MIPEP: variants seen among roughly 807,000 people sequenced by gnomAD.
The protein encoded by MIPEP is mitochondrial intermediate peptidase.
A neutral mutation model predicts 90.3 loss-of-function variants in MIPEP; 79 were observed. That is an observed-to-expected ratio of 0.87 (90% CI 0.73 to 1.05). The LOEUF is 1.05. MIPEP is among the 50% of genes least tolerant of loss of function. MIPEP has a pLI of 0.00. For missense variants in MIPEP, 940 were observed against 905.6 expected, an observed-to-expected ratio of 1.04 and a Z score of -0.49; for synonymous variants, 334 against 315.8, an observed-to-expected ratio of 1.06 and a Z score of -0.61.
chr13:23,746,035 A>G (rs1469648408), intron 18 of MIPEP, among the ~76,000 whole-genome samples: 1 of 135,494 alleles, frequency 7.4e-6, no homozygotes, highest in Non-Finnish European at 1.6e-5. Flanking sequence ...TTTTTTTGAG[A>G]CAGCGTTTCA....
At chr13:23,883,044 C>T (rs766021942) in intron 2 of MIPEP, among the ~76,000 whole-genome samples, 12 of 152,072 alleles carry the variant, frequency 7.9e-5, no homozygotes, top group East Asian at 3.9e-4. Flanking sequence ...GTTTATAAAA[C>T]GATTGCCTTA....
intron 14 of MIPEP, among the ~76,000 whole-genome samples, chr13:23,816,972 T>C (rs1953247501): frequency 6.6e-6 from 1 of 152,192 alleles, no homozygotes; most frequent in South Asian, 2.1e-4. Flanking sequence ...TTTCCACCCA[T>C]GATCTGCCAC....
intron 18 of MIPEP, among the ~76,000 whole-genome samples, chr13:23,734,591 C>G (rs370550506): frequency 1.3e-5 from 2 of 152,120 alleles, no homozygotes; most frequent in Admixed American, 6.6e-5. Context: ...TATCTTGGGA[C>G]CTCAAGAGGA....
intron 18 of MIPEP, among the ~76,000 whole-genome samples, chr13:23,748,798 G>A (rs1378004315): frequency 6.6e-6 from 1 of 152,144 alleles, no homozygotes; most frequent in Admixed American, 6.5e-5. Flanking sequence ...AGCACGTTCT[G>A]GCATTTATTT....
intron 16 of MIPEP, among the ~76,000 whole-genome samples, chr13:23,800,196 T>TTTTC (rs1430228460): frequency 6.6e-6 from 1 of 152,130 alleles, no homozygotes; most frequent in Non-Finnish European, 1.5e-5. Context: ...AAATACACAT[T>TTTTC]AGAACAGAGT....
At chr13:23,788,054 C>T (rs1383623038) in intron 16 of MIPEP, among the ~76,000 whole-genome samples, 2 of 152,042 alleles carry the variant, frequency 1.3e-5, no homozygotes, top group Non-Finnish European at 2.9e-5. Context: ...GTTTCCTCTT[C>T]TGATTTTAGA....
At chr13:23,757,913 CTATG>C (rs781513392) in intron 17 of MIPEP, among the ~76,000 whole-genome samples, 8 of 152,182 alleles carry the variant, frequency 5.3e-5, no homozygotes, top group Admixed American at 2.0e-4. Flanking sequence ...TGACTACATA[CTATG>C]ATGAGACAGG....
intron 16 of MIPEP, among the ~76,000 whole-genome samples, chr13:23,783,914 AAGG>A (rs1343389929): frequency 6.6e-6 from 1 of 152,240 alleles, no homozygotes; most frequent in Non-Finnish European, 1.5e-5. Context: ...GGACCTCTTC[AAGG>A]AGAACTACAA....
chr13:23,770,637 G>A (rs1952638457), intron 16 of MIPEP, among the ~76,000 whole-genome samples: 3 of 152,006 alleles, frequency 2.0e-5, no homozygotes, highest in South Asian at 2.1e-4. Flanking sequence ...TGTGGCTGAT[G>A]TCCTGCAATT....
At chr13:23,747,698 C>T (rs2138499222) in intron 18 of MIPEP, 1 of 380,182 alleles carries the variant, frequency 2.6e-6, no homozygotes, top group East Asian at 7.2e-5. Context: ...AATTCCTGAA[C>T]CAGGCAAATA....
chr13:23,816,785 C>T (rs1220635455), intron 14 of MIPEP, among the ~76,000 whole-genome samples: 1 of 152,188 alleles, frequency 6.6e-6, no homozygotes, highest in East Asian at 1.9e-4. Flanking sequence ...GCTTTCCCAC[C>T]CTGCTCTCAT....
chr13:23,867,869 A>G (rs1343298515), intron 7 of MIPEP, among the ~76,000 whole-genome samples: 3 of 152,098 alleles, frequency 2.0e-5, no homozygotes, highest in Admixed American at 2.0e-4. Context: ...TACCTCACAA[A>G]GCTGCAGAGG....
At chr13:23,882,626 T>C (rs1402009053) in intron 2 of MIPEP, among the ~76,000 whole-genome samples, 2 of 150,994 alleles carry the variant, frequency 1.3e-5, no homozygotes. Context: ...ATGTCAACTG[T>C]AACAAAAAGC....
chr13:23,810,309 TAA>T (rs1953157863), intron 14 of MIPEP, among the ~76,000 whole-genome samples: 1 of 152,244 alleles, frequency 6.6e-6, no homozygotes, highest in Non-Finnish European at 1.5e-5. Flanking sequence ...ACAATAGGAC[TAA>T]AAGATGAAAA....
chr13:23,837,235 T>C lies in MIPEP; in HGVS notation c.1543+317A>G, dbSNP rs1219437183. Reference sequence around the variant, plus strand: ...TACTTATTAACTCTGTGGGAGGTATTAAGGAGATACGTTTTTATTCACACA... The same window carrying C: ...TACTTATTAACTCTGTGGGAGGTATCAAGGAGATACGTTTTTATTCACACA... On this transcript the variant is annotated intron_variant, in intron 13 of 18. Transcript: ENST00000382172. Among the ~76,000 whole-genome samples, 4 of 152,318 alleles carry C rather than the reference T, an allele frequency of 2.6e-5. No homozygotes were observed. The East Asian group carries it at 5.8e-4, about 22-fold the overall frequency.
chr13:23,744,140 G>A (rs536400138), intron 18 of MIPEP, among the ~76,000 whole-genome samples: 1 of 152,264 alleles, frequency 6.6e-6, no homozygotes, highest in Non-Finnish European at 1.5e-5. Context: ...TGTACGCTGT[G>A]CGTTCATGCC....
chr13:23,839,886 G>C (rs1423122689), intron 11 of MIPEP, among the ~76,000 whole-genome samples, 160 bp from the exon 12 acceptor site: 1 of 151,920 alleles, frequency 6.6e-6, no homozygotes, highest in African/African-American at 2.4e-5. Context: ...TCTTTTCCCC[G>C]CATCCTCTTC....
At position 23,750,645 on chromosome 13, in the gene MIPEP, G is replaced by A. The variant is rs183513429; in HGVS notation, c.2044+5900C>T. On this transcript the variant is annotated intron_variant, in intron 18 of 18. Coordinates refer to ENST00000382172, the MANE Select transcript of MIPEP (RefSeq NM_005932.4). ...CGCTGTCTCTAGAGTGCTCTGGACGGAACTCACTCTGCACTGCCCACATAA... is the reference window on the plus strand; with the variant it reads ...CGCTGTCTCTAGAGTGCTCTGGACGAAACTCACTCTGCACTGCCCACATAA... Among the ~76,000 whole-genome samples the A allele has an allele frequency of 3.3e-5, 5 of 152,298 alleles. No homozygotes were observed. The East Asian group carries it at 9.6e-4, about 29-fold the overall frequency.
chr13:23,835,023 T>TC (rs968761654), intron 14 of MIPEP, among the ~76,000 whole-genome samples: 23 of 96,474 alleles, frequency 2.4e-4, no homozygotes, highest in Admixed American at 1.0e-3. Context: ...CATCCATTAT[T>TC]CTTTTTTTTT....
Sources: allele counts gnomAD v4.1 joint callset (sites outside exome capture counted in the v4.1 genomes callset), GRCh38; gene constraint gnomAD v4.1.1; transcripts MANE v1.5; gene names NCBI Gene and HGNC (gene_info 2026-07-23, HGNC 2026-07-21).